The following GAD2 variants were observed in gnomAD, a reference collection of about 807,000 sequenced individuals.
The protein encoded by GAD2 is 65 kDa glutamic acid decarboxylase.
In GAD2, 22 loss-of-function variants were observed where a neutral mutation model predicts 80.1. The ratio of observed to expected loss-of-function variants is 0.27; its 90% confidence interval spans 0.20 to 0.39. The LOEUF is 0.39. Among genes scored for constraint, GAD2 ranks in the 10% least tolerant of loss-of-function variants. The probability of loss-of-function intolerance (pLI) is 1.00; values close to 1 mark genes in which losing one functional copy is unlikely to be tolerated. For missense variants in GAD2, 624 were observed against 738.4 expected, an observed-to-expected ratio of 0.85 and a Z score of 1.80; for synonymous variants, 274 against 256.9, an observed-to-expected ratio of 1.07 and a Z score of -0.64.
intron 6 of GAD2, among the ~76,000 whole-genome samples, chr10:26,229,043 A>T (rs991023096): frequency 6.6e-6 from 1 of 151,930 alleles, no homozygotes; most frequent in Admixed American, 6.6e-5. Flanking sequence ...TACACAAAAA[A>T]ATTAGCCGGG....
At chr10:26,288,153 A>G (rs1314161109) in intron 13 of GAD2, among the ~76,000 whole-genome samples, 2 of 152,222 alleles carry the variant, frequency 1.3e-5, no homozygotes, top group Non-Finnish European at 2.9e-5. Flanking sequence ...CAAATATTTT[A>G]TGGAATCTCC....
chr10:26,245,587 G>T (rs1192624486), intron 7 of GAD2, among the ~76,000 whole-genome samples: 1 of 151,768 alleles, frequency 6.6e-6, no homozygotes, highest in Non-Finnish European at 1.5e-5. Context: ...ATAGGCGCCC[G>T]CCACCACACC....
chr10:26,254,798 G>A (rs761224942), intron 8 of GAD2, among the ~76,000 whole-genome samples: 8 of 152,190 alleles, frequency 5.3e-5, no homozygotes, highest in Non-Finnish European at 7.3e-5. Context: ...GATGAATAGC[G>A]GGCCGACCAG....
rs79064128 is a variant in GAD2, at chr10:26,258,213, T to C, written c.921-10906T>C. Among the ~76,000 whole-genome samples, 1,198 of 152,362 alleles carry C rather than the reference T, an allele frequency of 7.9e-3. 20 individuals carry two copies. Among genetic ancestry groups the C allele is most frequent in the African/African-American group, 0.027 (1,134 of 41,578 alleles). On this transcript the variant is annotated intron_variant, in intron 8 of 15. Coordinates refer to ENST00000376261, the MANE Select transcript of GAD2 (RefSeq NM_001134366.2). ...ACATTTATCTGGTGCTAACATAGTT[T>C]ACAAACAACAGTTTTAAACAGTATG...
intron 7 of GAD2, among the ~76,000 whole-genome samples, chr10:26,237,538 CAGAG>C (rs1471524027): frequency 2.0e-5 from 3 of 151,868 alleles, no homozygotes; most frequent in Non-Finnish European, 4.4e-5. Flanking sequence ...GGAGACGAGA[CAGAG>C]GGAGCAGGGA....
intron 12 of GAD2, among the ~76,000 whole-genome samples, chr10:26,283,610 C>A (rs887147992): frequency 2.0e-5 from 3 of 152,214 alleles, no homozygotes; most frequent in South Asian, 2.1e-4. Context: ...TCTAGTTAAA[C>A]CACACCTGCC....
intron 9 of GAD2, 35 bp from the exon 10 acceptor site, chr10:26,270,605 G>A (rs1456905341): frequency 2.8e-6 from 4 of 1,451,610 alleles, no homozygotes; most frequent in East Asian, 4.5e-5. Flanking sequence ...CCTTGACTCT[G>A]TTTTCCATGA....
At chr10:26,297,875 G>A (rs1378865653) in intron 15 of GAD2, among the ~76,000 whole-genome samples, 1 of 152,186 alleles carries the variant, frequency 6.6e-6, no homozygotes, top group Admixed American at 6.5e-5. Context: ...CCATATTTAT[G>A]AGGGGAGCTG....
intron 7 of GAD2, among the ~76,000 whole-genome samples, chr10:26,244,541 C>T (rs1364549181): frequency 3.9e-5 from 6 of 152,172 alleles, no homozygotes; most frequent in Non-Finnish European, 7.3e-5. Flanking sequence ...AATAGAATGT[C>T]ATTCAGCCTT....
At chr10:26,231,786 C>G (rs1423073160) in intron 7 of GAD2, among the ~76,000 whole-genome samples, 1 of 152,108 alleles carries the variant, frequency 6.6e-6, no homozygotes, top group African/African-American at 2.4e-5. Flanking sequence ...TTTCTAGAGG[C>G]CACCTACATT....
upstream of GAD2, chr10:26,216,586 G>C (rs1367101812): frequency 2.5e-6 from 1 of 404,110 alleles, no homozygotes; most frequent in African/African-American, 2.1e-5. The surrounding 1 kb of genome is among the most constrained non-coding windows in gnomAD (Gnocchi z 4.7). Context: ...GCTTCCAAAG[G>C]GTTGCCACGT....
At chr10:26,232,795 G>A (rs1250414568) in intron 7 of GAD2, among the ~76,000 whole-genome samples, 1 of 152,062 alleles carries the variant, frequency 6.6e-6, no homozygotes, top group Admixed American at 6.6e-5. Flanking sequence ...GAGCCGCCAC[G>A]CCCAGACTAC....
At chr10:26,290,621 G>A (rs1589154247) in intron 13 of GAD2, among the ~76,000 whole-genome samples, 1 of 152,138 alleles carries the variant, frequency 6.6e-6, no homozygotes, top group African/African-American at 2.4e-5. Flanking sequence ...CAAGGGATTC[G>A]GTAGTTATTT....
At chr10:26,238,651 C>T (rs1440032917) in intron 7 of GAD2, among the ~76,000 whole-genome samples, 1 of 152,250 alleles carries the variant, frequency 6.6e-6, no homozygotes, top group Non-Finnish European at 1.5e-5. Flanking sequence ...TACAGATCCA[C>T]ATCACCTGCG....
At position 26,302,904 on chromosome 10, in the gene GAD2, A is replaced by G. The variant is rs1430986661; in HGVS notation, c.*1943A>G. On this transcript the variant is annotated 3_prime_UTR_variant, in exon 16 of 16. Transcript: ENST00000376261. ...TAACCTTCCATTCTAGGCTTTGTCTAATGGCCAAGCATTAGACAAAGCATT... is the reference window on the plus strand; with the variant it reads ...TAACCTTCCATTCTAGGCTTTGTCTGATGGCCAAGCATTAGACAAAGCATT... The G allele has an allele frequency of 6.6e-6, 1 of 152,196 alleles. No individual in the cohort carries two copies. The highest frequency in any genetic ancestry group is 1.5e-5 in the Non-Finnish European group (1 of 68,024). The allele number at this position is 152,196 out of a possible 1,614,324, so 9.4% of individuals were successfully genotyped here. A position where few individuals can be genotyped will look rare whatever the true frequency, so the allele number is the denominator to read the frequency against.
chr10:26,217,782 A>C lies in GAD2; in HGVS notation c.137-60A>C. 1 of 1,578,832 alleles carries C rather than the reference A, an allele frequency of 6.3e-7. No homozygotes were observed. On this transcript the variant is annotated intron_variant, in intron 2 of 15. Coordinates refer to ENST00000376261, the MANE Select transcript of GAD2 (RefSeq NM_001134366.2). This position sits in a 1 kb window ranked among gnomAD's most constrained non-coding sequence, Gnocchi z 4.9. ...GGTTTCCTGGCTGCGGGTAGGCGGG[A>C]GCGAGGGAGCCGGGCCCGGCGGAGG...
chr10:26,251,683 T>C (rs76349367), intron 8 of GAD2, among the ~76,000 whole-genome samples: 2 of 152,346 alleles, frequency 1.3e-5, no homozygotes, highest in East Asian at 3.9e-4. Context: ...ATGATATGAA[T>C]GTTTTTAAGG....
At chr10:26,282,110 T>A (rs1453471466) in intron 12 of GAD2, among the ~76,000 whole-genome samples, 3 of 138,790 alleles carry the variant, frequency 2.2e-5, no homozygotes, top group African/African-American at 3.1e-5. Flanking sequence ...ACCTGGCTAA[T>A]TTTTGTGGTT....
At chr10:26,253,573 T>C (rs912974401) in intron 8 of GAD2, among the ~76,000 whole-genome samples, 3 of 152,224 alleles carry the variant, frequency 2.0e-5, no homozygotes. Flanking sequence ...AAAATTTCTA[T>C]TGTATGGATG....
Sources: gnomAD v4.1 joint callset for allele counts (sites outside exome capture counted in the v4.1 genomes callset) on GRCh38, gnomAD v4.1.1 for gene constraint, Gnocchi (gnomAD v3.1) non-coding constraint, MANE v1.5 for transcripts, NCBI Gene and HGNC (gene_info 2026-07-23, HGNC 2026-07-21) for gene names.